THOP1: variants seen among roughly 807,000 people sequenced by gnomAD.
THOP1 encodes the protein thimet oligopeptidase.
A neutral mutation model predicts 71.8 loss-of-function variants in THOP1; 49 were observed. The observed-to-expected ratio is 0.68, with a 90% CI of 0.54 to 0.87. THOP1 has a LOEUF of 0.87. Ranked by LOEUF, THOP1 falls within the 40% of genes least tolerant of loss-of-function variation. The pLI is 0.00. For synonymous variants in THOP1, 426 were observed against 421.5 expected (o/e 1.01, Z -0.13); for missense variants, 843 against 975.6 (o/e 0.86, Z 1.81).
intron 12 of THOP1, among the ~76,000 whole-genome samples, chr19:2,812,544 C>T (rs1250779584): frequency 6.6e-6 from 1 of 152,202 alleles, no homozygotes; most frequent in Non-Finnish European, 1.5e-5. Context: ...GTGAGGGGGT[C>T]CCACCTCTGA....
At chr19:2,795,796 C>A (rs1197220275) in intron 3 of THOP1, among the ~76,000 whole-genome samples, 1 of 152,196 alleles carries the variant, frequency 6.6e-6, no homozygotes, top group Non-Finnish European at 1.5e-5. Context: ...GTCATCTACA[C>A]CCCGATACCG....
intron 9 of THOP1, among the ~76,000 whole-genome samples, 198 bp downstream of exon 9, chr19:2,808,642 C>T (rs1334388997): frequency 6.6e-6 from 1 of 152,260 alleles, no homozygotes; most frequent in Non-Finnish European, 1.5e-5. Flanking sequence ...CACCACAGAC[C>T]AGGGCTTACA....
intron 2 of THOP1, among the ~76,000 whole-genome samples, chr19:2,793,398 A>G (rs930983170): frequency 6.6e-5 from 10 of 152,068 alleles, no homozygotes; most frequent in African/African-American, 2.4e-4. Context: ...TTTCGTAGAA[A>G]TGGCACCACA....
rs545644427 is a variant in THOP1, at chr19:2,787,303, G to C, written c.16+1625G>C. ...CCCAGCTCTTTGTCCAGCCCATTGC[G>C]ATGAGGGTGATAATTGTAATAATGA... On this transcript the variant is annotated intron_variant, in intron 1 of 12. Coordinates refer to ENST00000307741, the MANE Select transcript of THOP1 (RefSeq NM_003249.5). 3.9e-5 allele frequency among the ~76,000 whole-genome samples: 6 copies of C among 152,268 alleles called. No homozygotes were observed. The South Asian group carries it at 1.2e-3, about 32-fold the overall frequency.
Position 2,808,322 on chromosome 19 carries a change from A to C in THOP1, c.1333A>C (p.Ile445Leu). ...GCAGGATGGGAGCCGCCAGATCGCCATCGCGGCCATGGTGGCCAACTTCAC... is the reference window on the plus strand; with the variant it reads ...GCAGGATGGGAGCCGCCAGATCGCCCTCGCGGCCATGGTGGCCAACTTCAC... The part of the protein sequence containing the change: ...LRQDGSRQIA[I>L]AAMVANFTKP... Residue 445 changes from isoleucine to leucine, a missense_variant, in exon 9 of 13, where the codon ATC becomes CTC. Coordinates refer to ENST00000307741, the MANE Select transcript of THOP1 (RefSeq NM_003249.5). The C allele has an allele frequency of 6.3e-7, 1 of 1,593,914 alleles. No homozygotes were observed. Among genetic ancestry groups the C allele is most frequent in the Non-Finnish European group, 8.5e-7 (1 of 1,170,838 alleles).
At chr19:2,793,204 A>G (rs1017488513) in intron 2 of THOP1, among the ~76,000 whole-genome samples, 2 of 151,910 alleles carry the variant, frequency 1.3e-5, no homozygotes, top group African/African-American at 2.4e-5. Context: ...AAACCCACAC[A>G]CTTCAGTGGT....
intron 4 of THOP1, among the ~76,000 whole-genome samples, chr19:2,799,142 A>G (rs984993484): frequency 6.6e-6 from 1 of 152,188 alleles, no homozygotes; most frequent in African/African-American, 2.4e-5. Context: ...CCTGAGCAAC[A>G]TGGTGAAACC....
chr19:2,801,872 T>C lies in THOP1; in HGVS notation c.589+2081T>C, dbSNP rs1916150617. 6.6e-6 allele frequency among the ~76,000 whole-genome samples: 1 copy of C among 151,978 alleles called. No homozygotes were observed. The highest frequency in any genetic ancestry group is 2.4e-5 in the African/African-American group (1 of 41,358). ...ACCCATCTGTCCCTTCATCCATGAA[T>C]CCATGAATGGATTCATCCATTCCTG... On this transcript the variant is annotated intron_variant, in intron 5 of 12. Transcript: ENST00000307741. This position sits in a 1 kb window ranked among gnomAD's most constrained non-coding sequence, Gnocchi z 5.1.
intron 2 of THOP1, among the ~76,000 whole-genome samples, chr19:2,793,698 AC>A (rs1426202225): frequency 1.3e-5 from 2 of 152,198 alleles, no homozygotes; most frequent in East Asian, 1.9e-4. Flanking sequence ...TCAAAAAAAA[AC>A]AAATGGCATC....
chr19:2,808,753 C>G (rs1282533471), intron 9 of THOP1, among the ~76,000 whole-genome samples: 3 of 152,244 alleles, frequency 2.0e-5, no homozygotes, highest in African/African-American at 7.2e-5. Context: ...TTGTGGCCGC[C>G]ACCACCTCCC....
rs1348163550 is a variant in THOP1, at chr19:2,814,281, G to C, written c.*1005G>C. ...GGCTGTGTCCCCACCTCCCGAGCAA[G>C]ACAAGTGGATGCTCCCCGTCTCTTC... On this transcript the variant is annotated 3_prime_UTR_variant, in exon 13 of 13. Coordinates refer to ENST00000307741, the MANE Select transcript of THOP1 (RefSeq NM_003249.5). The C allele has an allele frequency of 6.6e-6, 1 of 152,358 alleles. No individual in the cohort carries two copies. Among genetic ancestry groups the C allele is most frequent in the Non-Finnish European group, 1.5e-5 (1 of 68,150 alleles). The allele number at this position is 152,358 out of a possible 1,614,324, so 9.4% of individuals were successfully genotyped here.
At chr19:2,811,970 G>A (rs933958603) in intron 12 of THOP1, 17 of 1,112,194 alleles carry the variant, frequency 1.5e-5, no homozygotes, top group Admixed American at 3.0e-5. Flanking sequence ...CATCCCGGCC[G>A]AGGCACCTGC....
Position 2,794,757 on chromosome 19 carries a change from G to C in THOP1, c.230-7G>C. The C allele has an allele frequency of 6.2e-7, 1 of 1,610,878 alleles. No homozygotes were observed. Among genetic ancestry groups the C allele is most frequent in the Non-Finnish European group, 8.5e-7 (1 of 1,177,336 alleles). On this transcript the variant is annotated splice_polypyrimidine_tract_variant and splice_region_variant and intron_variant, in intron 2 of 12. Transcript: ENST00000307741. Reference sequence around the variant, plus strand: ...CACACCTGTCTCCCTGGTCTCCCCTGTTTTAGTTCAGAGGAATATCCTTGA... The same window carrying C: ...CACACCTGTCTCCCTGGTCTCCCCTCTTTTAGTTCAGAGGAATATCCTTGA...
At position 2,801,884 on chromosome 19, in the gene THOP1, T is replaced by C. The variant is rs1916150749; in HGVS notation, c.589+2093T>C. Among the ~76,000 whole-genome samples, 1 of 151,994 alleles carries C rather than the reference T, an allele frequency of 6.6e-6. No individual in the cohort carries two copies. The highest frequency in any genetic ancestry group is 2.4e-5 in the African/African-American group (1 of 41,346). On this transcript the variant is annotated intron_variant, in intron 5 of 12. Coordinates refer to ENST00000307741, the MANE Select transcript of THOP1 (RefSeq NM_003249.5). The surrounding 1 kb of genome is among the most constrained non-coding windows in gnomAD (Gnocchi z 5.1). ...CTTCATCCATGAATCCATGAATGGATTCATCCATTCCTGAAGGCAGAGGCC... is the reference window on the plus strand; with the variant it reads ...CTTCATCCATGAATCCATGAATGGACTCATCCATTCCTGAAGGCAGAGGCC...
Position 2,813,273 on chromosome 19 carries a change from C to T in THOP1, c.2067C>T (p.Cys689=). 2 of 1,608,464 alleles carry T rather than the reference C, an allele frequency of 1.2e-6. No homozygotes were observed. The highest frequency in any genetic ancestry group is 1.7e-6 in the Non-Finnish European group (2 of 1,178,490). The stretch of plus-strand genomic sequence containing the variant: ...GCTGCGAGCCCGAGCCGCAGGTCTG[C>T]TGAGGCCTGGCACTGCGACTGCCCA... ...VGGCEPEPQV[C] Residue 689 remains cysteine (C), a synonymous_variant, in exon 13 of 13, where the codon TGC becomes TGT. Transcript: ENST00000307741.
At chr19:2,807,889 AG>A in intron 8 of THOP1, 81 bp downstream of exon 8, 1 of 1,393,430 alleles carries the variant, frequency 7.2e-7, no homozygotes, top group Non-Finnish European at 9.4e-7. Flanking sequence ...TGAGATGGGA[AG>A]GAAGTCGTTG....
Position 2,804,977 on chromosome 19 carries a change from A to T in THOP1, c.590-39A>T. 6.3e-7 allele frequency: 1 copy of T among 1,592,124 alleles called. No individual in the cohort carries two copies. Among genetic ancestry groups the T allele is most frequent in the Non-Finnish European group, 8.6e-7 (1 of 1,169,094 alleles). On this transcript the variant is annotated intron_variant, in intron 5 of 12. Transcript: ENST00000307741. This position sits in a 1 kb window ranked among gnomAD's most constrained non-coding sequence, Gnocchi z 4.7. ...CACGCTGTGTGCAGGCTGTGGGCCCATCAGTCCTGTCAAAGCCACCCTGGT... is the reference window on the plus strand; with the variant it reads ...CACGCTGTGTGCAGGCTGTGGGCCCTTCAGTCCTGTCAAAGCCACCCTGGT...
intron 4 of THOP1, 132 bp downstream of exon 4, chr19:2,796,320 G>A (rs1916012871): frequency 2.9e-6 from 2 of 689,304 alleles, no homozygotes; most frequent in East Asian, 2.8e-5. Context: ...CTGGGCTCGG[G>A]GAGTGCTCGG....
chr19:2,795,111 A>T (rs1915983626), intron 3 of THOP1, among the ~76,000 whole-genome samples, 199 bp downstream of exon 3: 1 of 152,162 alleles, frequency 6.6e-6, no homozygotes, highest in African/African-American at 2.4e-5. Flanking sequence ...GGTGTGAGCC[A>T]CTGTGCCCGG....
Sources: gnomAD v4.1 joint callset for allele counts (sites outside exome capture counted in the v4.1 genomes callset) on GRCh38, gnomAD v4.1.1 for gene constraint, Gnocchi (gnomAD v3.1) non-coding constraint, MANE v1.5 for transcripts, NCBI Gene and HGNC (gene_info 2026-07-23, HGNC 2026-07-21) for gene names.